The following CENPP variants were observed in gnomAD, a reference collection of about 807,000 sequenced individuals.
CENPP encodes centromere protein P.
A neutral mutation model predicts 35.6 loss-of-function variants in CENPP; 24 were observed. The ratio of observed to expected loss-of-function variants is 0.67; its 90% CI spans 0.49 to 0.95. The LOEUF is 0.95. Ranked by LOEUF, CENPP falls within the 40% of genes least tolerant of loss-of-function variation. The probability of loss-of-function intolerance (pLI) is 0.00; values close to 1 mark genes in which losing one functional copy is unlikely to be tolerated. For missense variants in CENPP, 332 were observed against 345.3 expected (o/e 0.96, Z 0.31); for synonymous variants, 120 against 125.5 (o/e 0.96, Z 0.29).
intron 5 of CENPP, among the ~76,000 whole-genome samples, chr9:92,562,034 A>T (rs1244927441): frequency 6.6e-6 from 1 of 152,206 alleles, no homozygotes; most frequent in Admixed American, 6.5e-5. Flanking sequence ...AAAGACATGT[A>T]TTCAGAAGCC....
chr9:92,533,303 C>CA (rs1174584000), intron 5 of CENPP, among the ~76,000 whole-genome samples: 361 of 29,884 alleles, frequency 0.012, 44 homozygotes, highest in Non-Finnish European at 0.017. Context: ...CGGTCTCAAA[C>CA]AAAAAAAAAA....
At chr9:92,369,747 T>A (rs984312909) in intron 4 of CENPP, among the ~76,000 whole-genome samples, 1 of 152,222 alleles carries the variant, frequency 6.6e-6, no homozygotes, top group Non-Finnish European at 1.5e-5. Context: ...AGTCTGGGTT[T>A]TTCTAGATAT....
At chr9:92,349,567 C>T (rs1841391966) in intron 4 of CENPP, among the ~76,000 whole-genome samples, 1 of 151,950 alleles carries the variant, frequency 6.6e-6, no homozygotes, top group African/African-American at 2.4e-5. Flanking sequence ...CCACACCCAG[C>T]TAGTTTTTGT....
intron 5 of CENPP, among the ~76,000 whole-genome samples, chr9:92,582,610 A>G (rs1850453785): frequency 1.3e-5 from 2 of 151,828 alleles, no homozygotes; most frequent in South Asian, 2.1e-4. Context: ...TCTGTGTTCA[A>G]TAACGGTGTC....
chr9:92,491,898 T>C (rs775496472), intron 5 of CENPP, among the ~76,000 whole-genome samples: 5 of 152,170 alleles, frequency 3.3e-5, no homozygotes, highest in Non-Finnish European at 7.3e-5. Context: ...GAATCTGGTC[T>C]AATTCCTGGC....
At chr9:92,505,444 A>G in intron 5 of CENPP, 1 of 1,160,132 alleles carries the variant, frequency 8.6e-7, no homozygotes, top group Non-Finnish European at 1.2e-6. Flanking sequence ...AGTTTAATTT[A>G]CATCACAATA....
intron 5 of CENPP, among the ~76,000 whole-genome samples, chr9:92,451,867 A>G (rs375476311): frequency 0.031 from 4,639 of 151,834 alleles, 107 homozygotes; most frequent in South Asian, 0.082. Flanking sequence ...GCAATTGTGA[A>G]TGGGAGTTCA....
At chr9:92,487,195 G>A (rs567846920) in intron 5 of CENPP, among the ~76,000 whole-genome samples, 1 of 152,310 alleles carries the variant, frequency 6.6e-6, no homozygotes, top group Non-Finnish European at 1.5e-5. Context: ...AGACCTGAGA[G>A]CAGTGAGCAC....
intron 5 of CENPP, among the ~76,000 whole-genome samples, chr9:92,459,034 CT>C (rs1456906341): frequency 3.9e-5 from 6 of 152,190 alleles, no homozygotes; most frequent in Non-Finnish European, 7.3e-5. Context: ...TCCAAGGAAT[CT>C]GTGGCCCCTT....
intron 3 of CENPP, among the ~76,000 whole-genome samples, chr9:92,340,884 T>C (rs770696139): frequency 2.0e-5 from 3 of 152,134 alleles, no homozygotes; most frequent in Admixed American, 6.5e-5. Context: ...ATAACAGCAA[T>C]TGTTCAGGGA....
chr9:92,537,371 G>T (rs977498943), intron 5 of CENPP, among the ~76,000 whole-genome samples: 1 of 152,016 alleles, frequency 6.6e-6, no homozygotes, highest in South Asian at 2.1e-4. Flanking sequence ...TTTTAAAAAT[G>T]TAAAACTAGC....
intron 5 of CENPP, among the ~76,000 whole-genome samples, chr9:92,480,212 CAA>C (rs1845864862): frequency 6.6e-6 from 1 of 152,206 alleles, no homozygotes; most frequent in Non-Finnish European, 1.5e-5. Context: ...ATTTTGGTTT[CAA>C]GTCTCTCTTA....
In CENPP at chr9:92,582,769, G is replaced by A. The variant is rs548790710; in HGVS notation, c.565-28545G>A. Among the ~76,000 whole-genome samples the A allele has an allele frequency of 3.0e-4, 45 of 152,204 alleles. No homozygotes were observed. In the South Asian group the frequency reaches 5.4e-3, roughly 18 times the overall value. ...CAACACTTCAAATAAGCCCTAGTAC[G>A]CAAGGGAATGTATTGGAAGGGCACT... On this transcript the variant is annotated intron_variant, in intron 5 of 7. Coordinates refer to ENST00000375587, the MANE Select transcript of CENPP (RefSeq NM_001012267.3).
intron 5 of CENPP, among the ~76,000 whole-genome samples, chr9:92,399,273 C>G (rs1843012379): frequency 6.6e-6 from 1 of 151,952 alleles, no homozygotes; most frequent in Non-Finnish European, 1.5e-5. Flanking sequence ...AAAATGGTAT[C>G]TCAATGTAAT....
chr9:92,547,414 A>G (rs1424355619), intron 5 of CENPP, among the ~76,000 whole-genome samples: 1 of 152,240 alleles, frequency 6.6e-6, no homozygotes, highest in African/African-American at 2.4e-5. Context: ...ATGTTTGTCA[A>G]CTGTTGAATG....
intron 4 of CENPP, among the ~76,000 whole-genome samples, chr9:92,369,554 G>A (rs1227059830): frequency 6.6e-6 from 1 of 152,164 alleles, no homozygotes; most frequent in Admixed American, 6.6e-5. Flanking sequence ...GCACTGAATT[G>A]GTAGATTGCT....
At chr9:92,599,649 T>A (rs1423639588) in intron 5 of CENPP, among the ~76,000 whole-genome samples, 1 of 152,134 alleles carries the variant, frequency 6.6e-6, no homozygotes, top group Non-Finnish European at 1.5e-5. Context: ...ACTCCTGACC[T>A]GACGTGGTCC....
chr9:92,547,267 T>C (rs763289241), intron 5 of CENPP, among the ~76,000 whole-genome samples: 4 of 152,204 alleles, frequency 2.6e-5, no homozygotes, highest in Admixed American at 6.5e-5. Flanking sequence ...TGACAGATTA[T>C]CTACAAGAAA....
chr9:92,466,633 C>T, intron 5 of CENPP: 2 of 1,354,252 alleles, frequency 1.5e-6, no homozygotes, highest in Non-Finnish European at 2.1e-6. Context: ...CAGTATTCTA[C>T]AGTGATTAGC....
Sources: allele counts gnomAD v4.1 joint callset (sites outside exome capture counted in the v4.1 genomes callset), GRCh38; gene constraint gnomAD v4.1.1; transcripts MANE v1.5; gene names NCBI Gene and HGNC (gene_info 2026-07-23, HGNC 2026-07-21).